The following SSB variants were observed in gnomAD, a reference collection of about 807,000 sequenced individuals.
SSB encodes small RNA binding exonuclease protection factor La, also known as lupus La protein.
A neutral mutation model predicts 52.9 loss-of-function variants in SSB; 17 were observed. The observed-to-expected ratio is 0.32, with a 90% CI of 0.22 to 0.48. The LOEUF is 0.48. Among genes scored for constraint, SSB ranks in the 20% least tolerant of loss-of-function variants. The pLI is 0.99. For missense variants in SSB, 314 were observed against 463.6 expected, an observed-to-expected ratio of 0.68 and a Z score of 2.96; for synonymous variants, 111 against 152.1, an observed-to-expected ratio of 0.73 and a Z score of 1.99.
At chr2:169,811,142 A>T (rs1488721980) in intron 10 of SSB, 41 bp from the exon 11 acceptor site, 23 of 1,593,226 alleles carry the variant, frequency 1.4e-5, no homozygotes, top group Non-Finnish European at 2.0e-5. Context: ...CAAGAGACTT[A>T]AAAAAAGTTC....
chr2:169,811,939 GTT>G lies in SSB; in HGVS notation c.*185_*186del. The G allele has an allele frequency of 6.8e-7, 1 of 1,464,086 alleles. No individual in the cohort carries two copies. The highest frequency in any genetic ancestry group is 2.3e-5 in the East Asian group (1 of 43,878). 90.7% of individuals were successfully genotyped at this position (1,464,086 alleles called of 1,614,324 possible). A position where few individuals can be genotyped will look rare whatever the true frequency, so the allele number is the denominator to read the frequency against. On this transcript the variant is annotated 3_prime_UTR_variant, in exon 12 of 12. Transcript: ENST00000260956. ...GAGATTTCTTTGAATGTATTGTTCT[GTT>G]TGTGTTATTTCAGATGATTCAAATA...
intron 1 of SSB, 123 bp from the exon 2 acceptor site, chr2:169,800,829 C>G: frequency 1.6e-6 from 1 of 624,928 alleles, no homozygotes; most frequent in Admixed American, 4.0e-5. Context: ...GAAACTGAAC[C>G]CGTGAAAATA....
intron 2 of SSB, 57 bp downstream of exon 2, chr2:169,801,083 A>G: frequency 7.1e-7 from 1 of 1,409,372 alleles, no homozygotes; most frequent in Non-Finnish European, 9.7e-7. Flanking sequence ...AAATACAGAA[A>G]GAACATTTAA....
chr2:169,807,875 A>G (rs1689860926), intron 6 of SSB, among the ~76,000 whole-genome samples: 1 of 151,178 alleles, frequency 6.6e-6, no homozygotes, highest in Admixed American at 6.6e-5. Flanking sequence ...GTGTAGGGCC[A>G]TAGTTCCCTA....
Position 169,811,281 on chromosome 2 carries a change from A to G in SSB, c.1096A>G (p.Ser366Gly). 1 of 1,609,926 alleles carries G rather than the reference A, an allele frequency of 6.2e-7. No individual in the cohort carries two copies. Among genetic ancestry groups the G allele is most frequent in the Non-Finnish European group, 8.5e-7 (1 of 1,179,088 alleles). Reference sequence around the variant, plus strand: ...TCAGGGCAAGAAAACGAAATTTGCTAGTGATGATGAACATGATGAACATGA... The same window carrying G: ...TCAGGGCAAGAAAACGAAATTTGCTGGTGATGATGAACATGATGAACATGA... The part of the protein sequence containing the change: ...QFQGKKTKFA[S>G]DDEHDEHDEN... The change falls in exon 11 of 12, where the codon AGT (serine) becomes GGT (glycine). Residue 366 changes from serine to glycine, a missense_variant. Transcript: ENST00000260956.
In SSB at chr2:169,811,286, T is replaced by G. The variant is rs762821643; in HGVS notation, c.1101T>G (p.Asp367Glu). ...FQGKKTKFAS[D>E]DEHDEHDENG... ...GCAAGAAAACGAAATTTGCTAGTGATGATGAACATGATGAACATGATGAAA... is the reference window on the plus strand; with the variant it reads ...GCAAGAAAACGAAATTTGCTAGTGAGGATGAACATGATGAACATGATGAAA... Residue 367 changes from aspartate (D) to glutamate (E), a missense_variant, in exon 11 of 12, where the codon GAT (aspartate) becomes GAG (glutamate). By Grantham distance (45) the Asp-to-Glu change is conservative. Transcript: ENST00000260956. The G allele has an allele frequency of 1.3e-6, 2 of 1,583,300 alleles. No individual in the cohort carries two copies. The highest frequency in any genetic ancestry group is 1.7e-6 in the Non-Finnish European group (2 of 1,164,232).
intron 8 of SSB, 166 bp downstream of exon 8, chr2:169,809,068 G>A (rs1158061078): frequency 7.4e-6 from 5 of 674,008 alleles, no homozygotes; most frequent in Non-Finnish European, 1.4e-5. Context: ...AGAAAACTAA[G>A]GATAGGAAAT....
intron 11 of SSB, 48 bp from the exon 12 acceptor site, chr2:169,811,620 G>T: frequency 6.3e-7 from 1 of 1,591,056 alleles, no homozygotes; most frequent in Non-Finnish European, 8.5e-7. Context: ...TATTAAACTA[G>T]AGCAGTACTT....
chr2:169,802,054 G>C (rs921907354), intron 2 of SSB, among the ~76,000 whole-genome samples: 3 of 152,034 alleles, frequency 2.0e-5, no homozygotes, highest in African/African-American at 7.2e-5. Flanking sequence ...TGTGTTAGCA[G>C]TTTACCTGTA....
At chr2:169,804,528 C>T (rs1425982666) in intron 2 of SSB, among the ~76,000 whole-genome samples, 1 of 151,888 alleles carries the variant, frequency 6.6e-6, no homozygotes, top group Non-Finnish European at 1.5e-5. Flanking sequence ...TGGGATTAGG[C>T]ATGAACCACC....
At chr2:169,800,534 C>CAAAAAAAAAAAAAAAAAAAAAAAAAAA (rs59743225) in intron 1 of SSB, among the ~76,000 whole-genome samples, 5 of 78,278 alleles carry the variant, frequency 6.4e-5, no homozygotes, top group African/African-American at 2.8e-4. Context: ...GACTCCGTCT[C>CAAAAAAAAAAAAAAAAAAAAAAAAAAA]AAAAAAAAAA....
chr2:169,808,101 A>ATACACTTT (rs1429203884), intron 6 of SSB, among the ~76,000 whole-genome samples: 4 of 152,158 alleles, frequency 2.6e-5, no homozygotes, highest in African/African-American at 4.8e-5. Context: ...ATGACTTCTG[A>ATACACTTT]TACACTTTTT....
chr2:169,809,435 AG>A (rs1435370885), intron 8 of SSB, among the ~76,000 whole-genome samples: 1 of 152,184 alleles, frequency 6.6e-6, no homozygotes, highest in Non-Finnish European at 1.5e-5. Context: ...ATTCAGAAAA[AG>A]TTCATTTATG....
intron 2 of SSB, among the ~76,000 whole-genome samples, chr2:169,802,686 A>C (rs1008115547): frequency 6.6e-6 from 1 of 152,088 alleles, no homozygotes; most frequent in Non-Finnish European, 1.5e-5. Context: ...TGGACCTTAT[A>C]TTTTACAACA....
chr2:169,802,121 G>A (rs578089344), intron 2 of SSB, among the ~76,000 whole-genome samples: 2 of 152,106 alleles, frequency 1.3e-5, no homozygotes, highest in South Asian at 2.1e-4. Context: ...GAAGGTAGAG[G>A]CTGCAGTGGC....
chr2:169,809,921 AT>A (rs1172064160), intron 8 of SSB: 1 of 152,784 alleles, frequency 6.5e-6, no homozygotes, highest in Non-Finnish European at 1.5e-5. Flanking sequence ...CGGCCTAAAA[AT>A]TTTTTAAAGT....
intron 8 of SSB, 47 bp downstream of exon 8, chr2:169,808,949 A>T (rs1248051527): frequency 2.1e-6 from 3 of 1,461,338 alleles, no homozygotes; most frequent in African/African-American, 2.8e-5. Context: ...TTCGAAGTTA[A>T]ATGAATAGCT....
In SSB at chr2:169,811,968, C is replaced by A; in HGVS notation, c.*212C>A. 2 of 1,252,976 alleles carry A rather than the reference C, an allele frequency of 1.6e-6. No individual in the cohort carries two copies. Among genetic ancestry groups the A allele is most frequent in the Admixed American group, 2.4e-5 (1 of 41,788 alleles). 77.6% of individuals were successfully genotyped at this position (1,252,976 alleles called of 1,614,324 possible). ...GTGTTATTTCAGATGATTCAAATAT[C>A]AAAAGGAAGATTCTTCCATTAAATT... On this transcript the variant is annotated 3_prime_UTR_variant, in exon 12 of 12. Transcript: ENST00000260956.
At chr2:169,809,463 A>G (rs1396254706) in intron 8 of SSB, among the ~76,000 whole-genome samples, 1 of 152,198 alleles carries the variant, frequency 6.6e-6, no homozygotes, top group Non-Finnish European at 1.5e-5. Context: ...ACTTATTTTT[A>G]TGAGAAAATG....
Sources: gnomAD v4.1 joint callset for allele counts (sites outside exome capture counted in the v4.1 genomes callset) on GRCh38, gnomAD v4.1.1 for gene constraint, MANE v1.5 for transcripts, NCBI Gene and HGNC (gene_info 2026-07-23, HGNC 2026-07-21) for gene names.